SCEL: variants seen among roughly 807,000 people sequenced by gnomAD.
SCEL encodes the protein sciellin.
In SCEL, 113 loss-of-function variants were observed where a neutral mutation model predicts 117.6. The ratio of observed to expected loss-of-function variants is 0.96; its 90% CI spans 0.83 to 1.12. The LOEUF is 1.12. Among genes scored for constraint, SCEL ranks in the 50% most tolerant of loss-of-function variants. The pLI is 0.00. For missense variants in SCEL, 785 were observed against 810.8 expected (o/e 0.97, Z 0.39); for synonymous variants, 270 against 256.2 (o/e 1.05, Z -0.51).
At chr13:77,618,582 A>T (rs1212216465) in intron 27 of SCEL, among the ~76,000 whole-genome samples, 1 of 152,042 alleles carries the variant, frequency 6.6e-6, no homozygotes, top group Non-Finnish European at 1.5e-5. Context: ...TTTATGACCC[A>T]TCCCATGTGA....
intron 5 of SCEL, among the ~76,000 whole-genome samples, chr13:77,567,393 G>T (rs1322525120): frequency 6.6e-6 from 1 of 152,020 alleles, no homozygotes; most frequent in Admixed American, 6.5e-5. Context: ...GGCAGAGGTT[G>T]CAGTGAGCTG....
At chr13:77,576,378 C>G (rs753423289) in intron 9 of SCEL, among the ~76,000 whole-genome samples, 1 of 152,152 alleles carries the variant, frequency 6.6e-6, no homozygotes, top group Non-Finnish European at 1.5e-5. Context: ...ACTTAGTCTC[C>G]TCAGCTTCCT....
chr13:77,605,280 T>C (rs1228188315), intron 19 of SCEL, among the ~76,000 whole-genome samples: 1 of 152,146 alleles, frequency 6.6e-6, no homozygotes, highest in Non-Finnish European at 1.5e-5. Flanking sequence ...GCTCAGTTAG[T>C]TGAAAAGCTG....
intron 10 of SCEL, among the ~76,000 whole-genome samples, chr13:77,589,947 T>G (rs966060483): frequency 6.6e-6 from 1 of 152,152 alleles, no homozygotes; most frequent in Non-Finnish European, 1.5e-5. Flanking sequence ...TTTCAAGATG[T>G]ACACCCCACA....
Position 77,634,464 on chromosome 13 carries a change from A to T in SCEL, c.1763+14A>T, listed in dbSNP as rs150560871. The T allele has an allele frequency of 3.8e-6, 6 of 1,565,002 alleles. No individual in the cohort carries two copies. The highest frequency in any genetic ancestry group is 4.4e-6 in the Non-Finnish European group (5 of 1,136,584). ...TGTGGAGAATAGGTATTCAAAATTT[A>T]TTTCAAATATATTGCTTCATTTTAT... On this transcript the variant is annotated intron_variant, in intron 29 of 32. Coordinates refer to ENST00000349847, the MANE Select transcript of SCEL (RefSeq NM_144777.3).
intron 28 of SCEL, among the ~76,000 whole-genome samples, 161 bp downstream of exon 28, chr13:77,628,170 GTATATA>G (rs67297453): frequency 1.4e-5 from 2 of 139,712 alleles, no homozygotes; most frequent in Admixed American, 7.3e-5. Context: ...ATATGTGTGT[GTATATA>G]TATATATATA....
chr13:77,593,635 C>A, intron 12 of SCEL, 62 bp downstream of exon 12: 3 of 1,235,460 alleles, frequency 2.4e-6, no homozygotes, highest in Non-Finnish European at 2.4e-6. Context: ...AAATGCTTAA[C>A]CACACCTTTA....
At chr13:77,558,376 C>T (rs2084778534) in intron 3 of SCEL, among the ~76,000 whole-genome samples, 1 of 152,090 alleles carries the variant, frequency 6.6e-6, no homozygotes. Context: ...GCTCCTCTTT[C>T]AAAAATTTCA....
intron 13 of SCEL, among the ~76,000 whole-genome samples, chr13:77,598,261 G>A (rs1281679678): frequency 6.6e-6 from 1 of 152,186 alleles, no homozygotes; most frequent in Non-Finnish European, 1.5e-5. Context: ...TGTGTTTGTG[G>A]TAAGTATAAT....
chr13:77,557,865 A>G (rs1332133350), intron 3 of SCEL, among the ~76,000 whole-genome samples: 1 of 152,208 alleles, frequency 6.6e-6, no homozygotes. Flanking sequence ...ACTCTAAACT[A>G]TCTACAAACT....
intron 19 of SCEL, chr13:77,606,458 G>A (rs1229062865): frequency 6.6e-6 from 1 of 152,160 alleles, no homozygotes; most frequent in Non-Finnish European, 1.5e-5. Flanking sequence ...CAACACAAAG[G>A]GAGGGTTGTA....
intron 3 of SCEL, among the ~76,000 whole-genome samples, chr13:77,559,601 T>C (rs1031151884): frequency 3.3e-5 from 5 of 152,248 alleles, no homozygotes; most frequent in Admixed American, 2.0e-4. Flanking sequence ...TGATCATTTG[T>C]ACTGACAAAC....
chr13:77,593,488 C>G (rs2087038747), intron 11 of SCEL, 26 bp from the exon 12 acceptor site: 14 of 1,573,814 alleles, frequency 8.9e-6, no homozygotes, highest in Non-Finnish European at 1.1e-5. Flanking sequence ...TATCATTGAC[C>G]TGTATTTATT....
rs1198504539 is a variant in SCEL at position 77,608,059 on chromosome 13, C to A, written c.1161C>A (p.Gly387=). 7 of 1,612,390 alleles carry A rather than the reference C, an allele frequency of 4.3e-6. No individual in the cohort carries two copies. Among genetic ancestry groups the A allele is most frequent in the Admixed American group, 3.3e-5 (2 of 59,880 alleles). ...DPETNKNITR[G]QSLDNLIKVT... Reference sequence around the variant, plus strand: ...CCATTTCTTCAATGTTTTAAAGGGGCCAGAGCCTTGATAATCTCATCAAAG... The same window carrying A: ...CCATTTCTTCAATGTTTTAAAGGGGACAGAGCCTTGATAATCTCATCAAAG... Residue 387 remains glycine, a synonymous_variant, in exon 20 of 33, where the codon GGC becomes GGA. Coordinates refer to ENST00000349847, the MANE Select transcript of SCEL (RefSeq NM_144777.3).
intron 9 of SCEL, among the ~76,000 whole-genome samples, chr13:77,585,543 A>G (rs1378674448): frequency 6.6e-6 from 1 of 152,086 alleles, no homozygotes; most frequent in Non-Finnish European, 1.5e-5. Flanking sequence ...TCTGGCTTCA[A>G]TGTCACCATC....
At chr13:77,576,409 T>C (rs757060671) in intron 9 of SCEL, among the ~76,000 whole-genome samples, 7 of 152,156 alleles carry the variant, frequency 4.6e-5, no homozygotes, top group Non-Finnish European at 8.8e-5. Flanking sequence ...TATCAAGCCA[T>C]TAAATATTGA....
intron 13 of SCEL, 57 bp from the exon 14 acceptor site, chr13:77,599,272 G>A: frequency 8.1e-7 from 1 of 1,232,894 alleles, no homozygotes; most frequent in Non-Finnish European, 1.2e-6. Context: ...TGTTCTTATA[G>A]AGTTAAGCAT....
intron 9 of SCEL, among the ~76,000 whole-genome samples, chr13:77,575,542 T>C (rs2085892521): frequency 6.6e-6 from 1 of 152,216 alleles, no homozygotes; most frequent in African/African-American, 2.4e-5. Flanking sequence ...ACATTAGTTA[T>C]GCAATAAGAG....
In SCEL at chr13:77,634,230, G is replaced by A. The variant is rs965118719; in HGVS notation, c.1692-149G>A. 5.7e-5 allele frequency: 40 copies of A among 702,060 alleles called. No homozygotes were observed. The Admixed American group carries it at 6.1e-4, about 11-fold the overall frequency. 43.5% of individuals were successfully genotyped at this position (702,060 alleles called of 1,614,324 possible). A position where few individuals can be genotyped will look rare whatever the true frequency, so the allele number is the denominator to read the frequency against. Reference sequence around the variant, plus strand: ...GACAAAAAAATTTTTGCAGTGCTGTGTTAATACCACTCTAACATTCATGTT... The same window carrying A: ...GACAAAAAAATTTTTGCAGTGCTGTATTAATACCACTCTAACATTCATGTT... On this transcript the variant is annotated intron_variant, in intron 28 of 32. Coordinates refer to ENST00000349847, the MANE Select transcript of SCEL (RefSeq NM_144777.3).
Sources: gnomAD v4.1 joint callset for allele counts (sites outside exome capture counted in the v4.1 genomes callset) on GRCh38, gnomAD v4.1.1 for gene constraint, MANE v1.5 for transcripts, NCBI Gene and HGNC (gene_info 2026-07-23, HGNC 2026-07-21) for gene names.